The following HPCAL1 variants were observed in gnomAD, a reference collection of about 807,000 sequenced individuals.
HPCAL1 encodes hippocalcin like 1, also known as hippocalcin-like protein 1.
Under a neutral mutation model 17.1 loss-of-function variants are expected in HPCAL1, and 8 were observed. The ratio of observed to expected loss-of-function variants is 0.47; its 90% CI spans 0.27 to 0.84. The LOEUF is 0.84. Among genes scored for constraint, HPCAL1 ranks in the 40% least tolerant of loss-of-function variants. The pLI is 0.13. For synonymous variants in HPCAL1, 112 were observed against 111.4 expected (o/e 1.01, Z -0.03); for missense variants, 165 against 271.1 (o/e 0.61, Z 2.75).
In HPCAL1 at chr2:10,384,029, C is replaced by CCA. The variant is rs1553353472; in HGVS notation, c.-110-12792_-110-12791dup. ...ATATACATCGCGTACACACACACAC[C>CCA]CACACACACACACACCTTTTGCTGG... On this transcript the variant is annotated intron_variant, in intron 1 of 4. Transcript: ENST00000307845. This position sits in a 1 kb window ranked among gnomAD's most constrained non-coding sequence, Gnocchi z 4.4. Among the ~76,000 whole-genome samples the CCA allele has an allele frequency of 6.8e-4, 102 of 149,920 alleles. No homozygotes were observed. Among genetic ancestry groups the CCA allele is most frequent in the Non-Finnish European group, 1.1e-3 (71 of 67,328 alleles).
intron 1 of HPCAL1, among the ~76,000 whole-genome samples, chr2:10,358,536 G>A (rs1666323161): frequency 6.6e-6 from 1 of 152,222 alleles, no homozygotes; most frequent in African/African-American, 2.4e-5. Flanking sequence ...AACCGCGAGA[G>A]CCTAGCAGGC....
chr2:10,411,992 T>C (rs1428533361), intron 2 of HPCAL1, among the ~76,000 whole-genome samples: 1 of 152,146 alleles, frequency 6.6e-6, no homozygotes, highest in Non-Finnish European at 1.5e-5. Flanking sequence ...GTGGGGGTGG[T>C]TACCTGACCG....
At chr2:10,423,551 C>T (rs553293109) in intron 4 of HPCAL1, 24 of 170,472 alleles carry the variant, frequency 1.4e-4, no homozygotes, top group African/African-American at 2.1e-4. Context: ...TCAGGATGTA[C>T]GCTGCCACCT....
At position 10,331,523 on chromosome 2, in the gene HPCAL1, A is replaced by G. The variant is rs112041260; in HGVS notation, c.-111+28346A>G. 6.2e-3 allele frequency among the ~76,000 whole-genome samples: 947 copies of G among 152,286 alleles called. 13 individuals are homozygous for G. Among genetic ancestry groups the G allele is most frequent in the African/African-American group, 0.021 (870 of 41,552 alleles). ...ATGCAGCAGCGAGGTTTTCCGGGGCAGGAACACCCTCCCAGGAGCTTTTCC... is the reference window on the plus strand; with the variant it reads ...ATGCAGCAGCGAGGTTTTCCGGGGCGGGAACACCCTCCCAGGAGCTTTTCC... On this transcript the variant is annotated intron_variant, in intron 1 of 4. Transcript: ENST00000307845. The surrounding 1 kb of genome is among the most constrained non-coding windows in gnomAD (Gnocchi z 5.0).
rs182796116 is a variant in HPCAL1, at chr2:10,375,911, G to A, written c.-110-20924G>A. On this transcript the variant is annotated intron_variant, in intron 1 of 4. Transcript: ENST00000307845. ...ATAGTAGCTGATGTGGTTTGGATGC[G>A]TGTCCCCTCCAAGTCCATGTTGAAA... 4.6e-5 allele frequency among the ~76,000 whole-genome samples: 7 copies of A among 152,318 alleles called. No homozygotes were observed. In the East Asian group the frequency reaches 5.8e-4, roughly 13 times the overall value.
intron 1 of HPCAL1, among the ~76,000 whole-genome samples, chr2:10,380,731 C>T (rs953448936): frequency 6.6e-6 from 1 of 152,170 alleles, no homozygotes; most frequent in African/African-American, 2.4e-5. Flanking sequence ...GAAGCCTTCC[C>T]AGATTCCAGG....
In HPCAL1 at chr2:10,420,110, G is replaced by A. The variant is rs1320925684; in HGVS notation, c.353G>A (p.Arg118His). ...CTGGACGGCAACGGCTACATCAGCCGCAGCGAGATGCTGGAGATCGTGCAG... is the reference window on the plus strand; with the variant it reads ...CTGGACGGCAACGGCTACATCAGCCACAGCGAGATGCTGGAGATCGTGCAG... ...YDLDGNGYISRSEMLEIVQAI... is the reference protein window; with the variant it reads ...YDLDGNGYISHSEMLEIVQAI... The change falls in exon 3 of 5, where the codon CGC (arginine) becomes CAC (histidine). Residue 118 changes from arginine to histidine, a missense_variant. Transcript: ENST00000307845. The A allele has an allele frequency of 3.7e-6, 6 of 1,612,082 alleles. No homozygotes were observed. The highest frequency in any genetic ancestry group is 2.7e-5 in the African/African-American group (2 of 74,956).
chr2:10,358,251 C>T (rs1275489008), intron 1 of HPCAL1, among the ~76,000 whole-genome samples: 1 of 152,218 alleles, frequency 6.6e-6, no homozygotes, highest in East Asian at 1.9e-4. Context: ...GAAACAAGCA[C>T]AAATCAGTAG....
rs1477526616 is a variant in HPCAL1 at position 10,318,884 on chromosome 2, C to T, written c.-111+15707C>T. On this transcript the variant is annotated intron_variant, in intron 1 of 4. Coordinates refer to ENST00000307845, the MANE Select transcript of HPCAL1 (RefSeq NM_002149.4). Reference sequence around the variant, plus strand: ...ACCCTCCCTGAAGCTTGAATAGCACCCACCCGTGCCTTCTCCATGCCAGCC... The same window carrying T: ...ACCCTCCCTGAAGCTTGAATAGCACTCACCCGTGCCTTCTCCATGCCAGCC... 7.9e-5 allele frequency among the ~76,000 whole-genome samples: 12 copies of T among 152,312 alleles called. No individual in the cohort carries two copies. The East Asian group carries it at 2.3e-3, about 29-fold the overall frequency.
At chr2:10,399,570 A>ACCG (rs1429840873) in intron 2 of HPCAL1, among the ~76,000 whole-genome samples, 1,697 of 37,306 alleles carry the variant, frequency 0.045, 43 homozygotes, top group Middle Eastern at 0.062. Flanking sequence ...CGCCACCGCC[A>ACCG]CCACCACCGC....
intron 1 of HPCAL1, among the ~76,000 whole-genome samples, chr2:10,332,655 G>T (rs1664458538): frequency 6.6e-6 from 1 of 152,196 alleles, no homozygotes; most frequent in African/African-American, 2.4e-5. Flanking sequence ...TTATCAGCAG[G>T]GGAGAGATCA....
intron 1 of HPCAL1, among the ~76,000 whole-genome samples, chr2:10,376,420 A>T (rs1667562415): frequency 6.8e-6 from 1 of 147,282 alleles, no homozygotes; most frequent in African/African-American, 2.6e-5. Flanking sequence ...ACCTTAATAA[A>T]CTTGACTTTA....
At chr2:10,338,239 G>A (rs758556809) in intron 1 of HPCAL1, among the ~76,000 whole-genome samples, 1 of 152,124 alleles carries the variant, frequency 6.6e-6, no homozygotes, top group Non-Finnish European at 1.5e-5. Flanking sequence ...AATGAAAAGC[G>A]TTCTGGAATT....
chr2:10,379,680 G>T (rs1667820600), intron 1 of HPCAL1, among the ~76,000 whole-genome samples: 1 of 152,254 alleles, frequency 6.6e-6, no homozygotes. Context: ...TTGGCTAAGG[G>T]TGCAAAACTG....
At chr2:10,360,989 G>A (rs1162927710) in intron 1 of HPCAL1, among the ~76,000 whole-genome samples, 4 of 150,496 alleles carry the variant, frequency 2.7e-5, no homozygotes, top group African/African-American at 4.9e-5. Flanking sequence ...GGTGTCTGGC[G>A]TGTGCCTTGC....
intron 1 of HPCAL1, among the ~76,000 whole-genome samples, chr2:10,341,455 GCAA>G (rs982424622): frequency 3.3e-5 from 5 of 151,450 alleles, no homozygotes; most frequent in East Asian, 3.9e-4. Flanking sequence ...TATCTTAAAA[GCAA>G]CAACAACAAC....
At chr2:10,374,929 A>C (rs1005055726) in intron 1 of HPCAL1, among the ~76,000 whole-genome samples, 2 of 152,136 alleles carry the variant, frequency 1.3e-5, no homozygotes, top group African/African-American at 4.8e-5. Flanking sequence ...TAAAATACTG[A>C]CTGGACAGAA....
At chr2:10,309,912 T>C (rs1265281179) in intron 1 of HPCAL1, among the ~76,000 whole-genome samples, 2 of 152,150 alleles carry the variant, frequency 1.3e-5, no homozygotes, top group East Asian at 3.8e-4. Context: ...ACTCTCATGG[T>C]GGACAGAAAC....
intron 1 of HPCAL1, among the ~76,000 whole-genome samples, chr2:10,383,697 G>GA (rs56132469): frequency 0.66 from 98,648 of 150,258 alleles, 33,075 homozygotes; most frequent in East Asian, 0.81. Context: ...GAAAAGAAAA[G>GA]AAAAAAAAGG....
Sources: gnomAD v4.1 joint callset for allele counts (sites outside exome capture counted in the v4.1 genomes callset) on GRCh38, gnomAD v4.1.1 for gene constraint, Gnocchi (gnomAD v3.1) non-coding constraint, MANE v1.5 for transcripts, NCBI Gene and HGNC (gene_info 2026-07-23, HGNC 2026-07-21) for gene names.